Variants in BCKDHB observed in about 807,000 individuals in gnomAD.
BCKDHB encodes 2-oxoisovalerate dehydrogenase subunit beta, mitochondrial.
In BCKDHB, 41 loss-of-function variants were observed where a neutral mutation model predicts 48.5. The ratio of observed to expected loss-of-function variants is 0.85; its 90% CI spans 0.66 to 1.10. The LOEUF is 1.10. Ranked by LOEUF, BCKDHB falls within the 50% of genes least tolerant of loss-of-function variation. BCKDHB has a pLI of 0.00. For missense variants in BCKDHB, 496 were observed against 494.2 expected, an observed-to-expected ratio of 1.00 and a Z score of -0.03; for synonymous variants, 201 against 174.8, an observed-to-expected ratio of 1.15 and a Z score of -1.18.
At position 80,110,067 on chromosome 6, in the gene BCKDHB, A is replaced by G. The variant is rs576256017; in HGVS notation, c.196+3178A>G. On this transcript the variant is annotated intron_variant, in intron 1 of 9. Transcript: ENST00000320393. ...TCTTTTATTTTGGTTGTTTTGACAT[A>G]TAAAAGGTACTGCTTAAAAGGAGGT... Among the ~76,000 whole-genome samples the G allele has an allele frequency of 2.6e-5, 4 of 152,364 alleles. No homozygotes were observed. The South Asian group carries it at 6.2e-4, about 24-fold the overall frequency.
the BCKDHB span, among the ~76,000 whole-genome samples, chr6:80,358,571 G>C: frequency 0.016 from 2,413 of 152,282 alleles, 27 homozygotes; most frequent in Non-Finnish European, 0.024. Context: ...GATACATGTG[G>C]TAACATGGAT....
At chr6:80,176,674 A>G (rs77160740) in intron 6 of BCKDHB, among the ~76,000 whole-genome samples, 221 of 152,266 alleles carry the variant, frequency 1.5e-3, no homozygotes, top group Middle Eastern at 3.4e-3. Context: ...CAGGATTACA[A>G]TTTGAGTATG....
intron 8 of BCKDHB, among the ~76,000 whole-genome samples, chr6:80,251,131 G>A (rs1776820762): frequency 6.6e-6 from 1 of 152,086 alleles, no homozygotes; most frequent in African/African-American, 2.4e-5. Context: ...TGAAGTTGAG[G>A]ATCTTTCATT....
At chr6:80,259,953 C>G (rs1427919729) in intron 8 of BCKDHB, among the ~76,000 whole-genome samples, 5 of 152,124 alleles carry the variant, frequency 3.3e-5, no homozygotes, top group African/African-American at 1.2e-4. Context: ...AAAGAACTTC[C>G]TATCTTATCC....
chr6:80,232,612 A>G (rs1775974523), intron 8 of BCKDHB, among the ~76,000 whole-genome samples: 1 of 149,978 alleles, frequency 6.7e-6, no homozygotes, highest in African/African-American at 2.4e-5. Flanking sequence ...TACTACATGT[A>G]TTAAATTCTC....
chr6:80,108,154 A>G (rs1421490947), intron 1 of BCKDHB, among the ~76,000 whole-genome samples: 3 of 152,292 alleles, frequency 2.0e-5, no homozygotes, highest in South Asian at 2.1e-4. Flanking sequence ...CAGGTAAGTT[A>G]GTGGTAGCTC....
chr6:80,165,202 T>C (rs1431356612), intron 3 of BCKDHB, among the ~76,000 whole-genome samples: 1 of 152,190 alleles, frequency 6.6e-6, no homozygotes, highest in Non-Finnish European at 1.5e-5. Context: ...GTGAATTCCA[T>C]GGGAGACAGC....
At chr6:80,313,509 C>T (rs759722118) in intron 9 of BCKDHB, among the ~76,000 whole-genome samples, 91 of 152,012 alleles carry the variant, frequency 6.0e-4, no homozygotes, top group Admixed American at 2.1e-3. Flanking sequence ...TACAGGCATC[C>T]GCCACCATGC....
At chr6:80,317,823 G>T (rs984243859) in intron 9 of BCKDHB, among the ~76,000 whole-genome samples, 7 of 152,178 alleles carry the variant, frequency 4.6e-5, no homozygotes, top group Non-Finnish European at 8.8e-5. Flanking sequence ...CCAGGATATA[G>T]TCATTTTAAA....
At chr6:80,286,242 A>G (rs1372316855) in intron 9 of BCKDHB, among the ~76,000 whole-genome samples, 1 of 152,180 alleles carries the variant, frequency 6.6e-6, no homozygotes, top group Non-Finnish European at 1.5e-5. Flanking sequence ...GGGAATTAGG[A>G]AAAACATTTA....
the BCKDHB span, among the ~76,000 whole-genome samples, chr6:80,415,977 A>G: frequency 2.6e-5 from 4 of 151,446 alleles, no homozygotes; most frequent in African/African-American, 9.7e-5. Flanking sequence ...CAGAAATTCA[A>G]TTTCTTCCTG....
intron 3 of BCKDHB, among the ~76,000 whole-genome samples, chr6:80,165,735 T>G (rs951616882): frequency 6.6e-6 from 1 of 152,104 alleles, no homozygotes; most frequent in African/African-American, 2.4e-5. Context: ...GTCTAAAGGG[T>G]TTATCAAACT....
the BCKDHB span, among the ~76,000 whole-genome samples, chr6:80,453,933 A>G: frequency 3.3e-5 from 5 of 151,984 alleles, no homozygotes; most frequent in Admixed American, 2.0e-4. Flanking sequence ...TCTGCTTCAC[A>G]CTGCTGCCTT....
chr6:80,176,971 T>A (rs930563692), intron 6 of BCKDHB, among the ~76,000 whole-genome samples: 24 of 152,158 alleles, frequency 1.6e-4, no homozygotes, highest in African/African-American at 5.5e-4. Context: ...ATGCCTGTGA[T>A]CCTAGCACTT....
At chr6:80,310,317 C>T (rs1272096531) in intron 9 of BCKDHB, among the ~76,000 whole-genome samples, 2 of 152,080 alleles carry the variant, frequency 1.3e-5, no homozygotes, top group East Asian at 3.9e-4. Context: ...GTGTTCTCAT[C>T]ATTTAGCTCC....
At chr6:80,377,909 G>A in the BCKDHB span, among the ~76,000 whole-genome samples, 7 of 152,060 alleles carry the variant, frequency 4.6e-5, no homozygotes, top group Non-Finnish European at 4.4e-5. Flanking sequence ...AGATCAATTT[G>A]GAAAGTACTC....
the BCKDHB span, among the ~76,000 whole-genome samples, chr6:80,414,095 CT>C: frequency 7.3e-5 from 11 of 150,860 alleles, no homozygotes; most frequent in East Asian, 1.2e-3. Flanking sequence ...ACATGTATGT[CT>C]TTTTTTTTAA....
the BCKDHB span, among the ~76,000 whole-genome samples, chr6:80,423,914 G>A: frequency 6.6e-6 from 1 of 152,312 alleles, no homozygotes; most frequent in African/African-American, 2.4e-5. Flanking sequence ...GTTGGGCAAA[G>A]TATACTCTGG....
At chr6:80,286,899 A>G (rs1191326300) in intron 9 of BCKDHB, among the ~76,000 whole-genome samples, 2 of 152,116 alleles carry the variant, frequency 1.3e-5, no homozygotes, top group African/African-American at 4.8e-5. Flanking sequence ...ATTTTATTAC[A>G]TTTGCATTGT....
Sources: gnomAD v4.1 joint callset for allele counts (sites outside exome capture counted in the v4.1 genomes callset) on GRCh38, gnomAD v4.1.1 for gene constraint, MANE v1.5 for transcripts, NCBI Gene and HGNC (gene_info 2026-07-23, HGNC 2026-07-21) for gene names.